Variants in DOCK7 observed in about 807,000 individuals in gnomAD.
The protein encoded by DOCK7 is dedicator of cytokinesis protein 7.
DOCK7 carries 138 observed loss-of-function variants against 271.0 expected under a neutral mutation model. That is an observed-to-expected ratio of 0.51 (90% CI 0.44 to 0.59). The LOEUF is 0.59. Among genes scored for constraint, DOCK7 ranks in the 20% least tolerant of loss-of-function variants. DOCK7 has a pLI of 0.00. For synonymous variants in DOCK7, 823 were observed against 876.1 expected, an observed-to-expected ratio of 0.94 and a Z score of 1.07; for missense variants, 2,066 against 2,592.4, an observed-to-expected ratio of 0.80 and a Z score of 4.41.
chr1:62,670,372 G>T (rs1659833655), intron 1 of DOCK7, among the ~76,000 whole-genome samples: 1 of 152,242 alleles, frequency 6.6e-6, no homozygotes. Context: ...TGGGGACGTG[G>T]AGAGTCTTTA....
intron 1 of DOCK7, among the ~76,000 whole-genome samples, chr1:62,684,744 T>A (rs1342732183): frequency 6.6e-6 from 1 of 152,196 alleles, no homozygotes. Context: ...GGGACACACA[T>A]GTACAAAGAC....
chr1:62,670,069 A>G (rs967801086), intron 1 of DOCK7, among the ~76,000 whole-genome samples: 1 of 152,230 alleles, frequency 6.6e-6, no homozygotes, highest in Non-Finnish European at 1.5e-5. Flanking sequence ...GTCCCCCAGC[A>G]GTGCCGGCCC....
At chr1:62,590,866 G>A (rs1648332720) in intron 14 of DOCK7, among the ~76,000 whole-genome samples, 1 of 152,210 alleles carries the variant, frequency 6.6e-6, no homozygotes, top group Admixed American at 6.5e-5. Flanking sequence ...AGGTTGTGGA[G>A]AAAAGGGAAC....
intron 48 of DOCK7, among the ~76,000 whole-genome samples, chr1:62,469,861 A>G (rs1645778864): frequency 1.3e-5 from 2 of 151,812 alleles, no homozygotes; most frequent in African/African-American, 2.4e-5. Flanking sequence ...CCACAATGCA[A>G]TACCTGCCAC....
At chr1:62,490,179 T>A (rs927711925) in intron 41 of DOCK7, among the ~76,000 whole-genome samples, 8 of 150,750 alleles carry the variant, frequency 5.3e-5, no homozygotes, top group Admixed American at 4.0e-4. Flanking sequence ...CAAGCAATCC[T>A]CCCACCCCAG....
chr1:62,586,161 G>A (rs999480153), intron 15 of DOCK7, among the ~76,000 whole-genome samples: 4 of 152,088 alleles, frequency 2.6e-5, no homozygotes, highest in Non-Finnish European at 4.4e-5. Context: ...AATCACAGAC[G>A]CCAAAAGTAC....
chr1:62,552,656 A>G, intron 22 of DOCK7, 76 bp downstream of exon 22: 1 of 1,388,720 alleles, frequency 7.2e-7, no homozygotes, highest in South Asian at 1.6e-5. Flanking sequence ...AATTCAGAAT[A>G]CATTACAACA....
chr1:62,544,955 A>G lies in DOCK7; in HGVS notation c.2851T>C (p.Ser951Pro). 1.3e-6 allele frequency: 2 copies of G among 1,549,654 alleles called. No homozygotes were observed. Among genetic ancestry groups the G allele is most frequent in the Non-Finnish European group, 1.7e-6 (2 of 1,146,366 alleles). ...WGSNPSPSAE[S>P]TQAMDRSCNR... is the part of the protein sequence containing the mutation. The stretch of plus-strand genomic sequence containing the variant: ...TCTAATATAAACACCACCTGTGTTG[A>G]TTCTGCACTTGGACTGGGGTTGGAT... Residue 951 changes from serine to proline, a missense_variant, in exon 23 of 50, where the codon TCA becomes CCA. Transcript: ENST00000635253.
intron 7 of DOCK7, among the ~76,000 whole-genome samples, chr1:62,642,563 A>G (rs1384186809): frequency 6.6e-6 from 1 of 152,156 alleles, no homozygotes; most frequent in Admixed American, 6.5e-5. Flanking sequence ...TTAAGTTTTA[A>G]AATATCAATA....
intron 24 of DOCK7, 70 bp from the exon 25 acceptor site, chr1:62,542,773 C>T: frequency 7.1e-7 from 1 of 1,399,322 alleles, no homozygotes; most frequent in South Asian, 1.2e-5. Context: ...AATCATAATG[C>T]AAATACAAAC....
chr1:62,680,751 A>C (rs1204739322), intron 1 of DOCK7, among the ~76,000 whole-genome samples: 2 of 151,928 alleles, frequency 1.3e-5, no homozygotes, highest in African/African-American at 2.4e-5. Context: ...TCTCAAAAGA[A>C]GACATTTATG....
chr1:62,475,106 A>C, intron 47 of DOCK7, 102 bp downstream of exon 47: 2 of 1,320,928 alleles, frequency 1.5e-6, no homozygotes, highest in Non-Finnish European at 2.0e-6. Context: ...GCAGTAGAGA[A>C]GGCAGATCCT....
At position 62,542,677 on chromosome 1, in the gene DOCK7, C is replaced by T. The variant is rs1330608775; in HGVS notation, c.2976G>A (p.Gln992=). 1 of 1,613,266 alleles carries T rather than the reference C, an allele frequency of 6.2e-7. No homozygotes were observed. The highest frequency in any genetic ancestry group is 8.5e-7 in the Non-Finnish European group (1 of 1,179,514). The change falls in exon 25 of 50, where the codon CAG becomes CAA. Residue 992 remains glutamine (Q), a synonymous_variant. Transcript: ENST00000635253. ...GAACGCTGCCACTGCAAACAACCCACTGCAAAGCCAGCTCCTCGTGAAAAA... is the reference window on the plus strand; with the variant it reads ...GAACGCTGCCACTGCAAACAACCCATTGCAAAGCCAGCTCCTCGTGAAAAA... ...KKLFHEELAL[Q]WVVCSGSVRE...
chr1:62,514,100 T>C (rs933975161), intron 31 of DOCK7, among the ~76,000 whole-genome samples: 5 of 152,210 alleles, frequency 3.3e-5, no homozygotes, highest in African/African-American at 1.2e-4. Context: ...TAATGAACCT[T>C]TCCTGATAAC....
chr1:62,553,489 C>A (rs1477877017), intron 21 of DOCK7, among the ~76,000 whole-genome samples: 3 of 148,796 alleles, frequency 2.0e-5, no homozygotes, highest in Admixed American at 1.3e-4. Context: ...CCACCTCAGC[C>A]TCCTGAGTAG....
At chr1:62,660,535 G>A (rs1658543738) in intron 2 of DOCK7, among the ~76,000 whole-genome samples, 1 of 152,174 alleles carries the variant, frequency 6.6e-6, no homozygotes, top group African/African-American at 2.4e-5. Context: ...CGGTGGAAAT[G>A]TAAAATGATA....
chr1:62,622,729 G>A (rs1198414351), intron 12 of DOCK7, among the ~76,000 whole-genome samples: 3 of 152,168 alleles, frequency 2.0e-5, no homozygotes, highest in Admixed American at 2.0e-4. Context: ...AGGAGATCGA[G>A]ACCATCTTGG....
intron 19 of DOCK7, 46 bp from the exon 20 acceptor site, chr1:62,559,266 A>C: frequency 2.7e-6 from 4 of 1,489,842 alleles, no homozygotes; most frequent in Non-Finnish European, 3.7e-6. Context: ...ATAACTTTAT[A>C]AATTTCCCAC....
intron 31 of DOCK7, among the ~76,000 whole-genome samples, chr1:62,521,153 T>C (rs1371483900): frequency 1.3e-5 from 2 of 151,860 alleles, no homozygotes; most frequent in Admixed American, 6.6e-5. Flanking sequence ...CCTAATGTAA[T>C]TGATGGGTTG....
Sources: allele counts gnomAD v4.1 joint callset (sites outside exome capture counted in the v4.1 genomes callset), GRCh38; gene constraint gnomAD v4.1.1; transcripts MANE v1.5; gene names NCBI Gene and HGNC (gene_info 2026-07-23, HGNC 2026-07-21).